DGKB: variants seen among roughly 807,000 people sequenced by gnomAD.
DGKB encodes the protein 90 kDa diacylglycerol kinase.
In DGKB, 67 loss-of-function variants were observed where a neutral mutation model predicts 114.3. The ratio of observed to expected loss-of-function variants is 0.59; its 90% confidence interval spans 0.48 to 0.72. The LOEUF is 0.72. Ranked by LOEUF, DGKB falls within the 30% of genes least tolerant of loss-of-function variation. DGKB has a pLI of 0.00. For missense variants in DGKB, 907 were observed against 975.2 expected, an observed-to-expected ratio of 0.93 and a Z score of 0.93; for synonymous variants, 398 against 323.1, an observed-to-expected ratio of 1.23 and a Z score of -2.49.
At chr7:14,491,112 T>C (rs559851125) in intron 20 of DGKB, among the ~76,000 whole-genome samples, 2 of 152,214 alleles carry the variant, frequency 1.3e-5, no homozygotes, top group Non-Finnish European at 2.9e-5. Context: ...GCTACTTCCA[T>C]ATTGATATGG....
At chr7:14,435,252 A>T (rs1322768485) in intron 21 of DGKB, among the ~76,000 whole-genome samples, 1 of 152,150 alleles carries the variant, frequency 6.6e-6, no homozygotes, top group Non-Finnish European at 1.5e-5. Flanking sequence ...GACTATAATC[A>T]CAACTAAACA....
At chr7:14,681,378 G>C (rs187780575) in intron 12 of DGKB, among the ~76,000 whole-genome samples, 1 of 151,822 alleles carries the variant, frequency 6.6e-6, no homozygotes, top group Non-Finnish European at 1.5e-5. Flanking sequence ...TTGTATTTTT[G>C]AAAAGTAAGT....
In DGKB at chr7:14,651,271, C is replaced by G. The variant is rs1037902230; in HGVS notation, c.1135-21003G>C. 9.2e-5 allele frequency among the ~76,000 whole-genome samples: 14 copies of G among 152,220 alleles called. 1 individual carries two copies. The highest frequency in any genetic ancestry group is 8.5e-4 in the Admixed American group (13 of 15,280). On this transcript the variant is annotated intron_variant, in intron 13 of 25. Coordinates refer to ENST00000402815, the MANE Select transcript of DGKB (RefSeq NM_001350709.2). ...TCAATAAAATACTGGCAAACCGAAT[C>G]CAGCAGCACATCAAAAAGCTTATCC...
intron 5 of DGKB, among the ~76,000 whole-genome samples, chr7:14,723,792 T>C (rs1829617663): frequency 6.6e-6 from 1 of 152,176 alleles, no homozygotes; most frequent in African/African-American, 2.4e-5. Context: ...GCTTTAGTTA[T>C]AAAAAGTAGT....
chr7:14,653,913 C>T (rs1268569494), intron 13 of DGKB, among the ~76,000 whole-genome samples: 2 of 151,960 alleles, frequency 1.3e-5, no homozygotes, highest in Non-Finnish European at 2.9e-5. Flanking sequence ...TTATGACAAA[C>T]CCACAACTAA....
intron 14 of DGKB, among the ~76,000 whole-genome samples, chr7:14,623,418 A>G (rs758604315): frequency 6.6e-6 from 1 of 152,186 alleles, no homozygotes; most frequent in African/African-American, 2.4e-5. Flanking sequence ...GGGTATTTAG[A>G]GTGATCATTG....
At chr7:14,784,448 G>A (rs2128493823) in intron 2 of DGKB, among the ~76,000 whole-genome samples, 1 of 148,732 alleles carries the variant, frequency 6.7e-6, no homozygotes, top group South Asian at 2.1e-4. Flanking sequence ...GCTCAATGCA[G>A]CCTCTGCCTC....
At chr7:14,847,134 C>T (rs187113118) in intron 1 of DGKB, among the ~76,000 whole-genome samples, 86 of 151,878 alleles carry the variant, frequency 5.7e-4, no homozygotes, top group Non-Finnish European at 9.3e-4. Context: ...ACTAAAAATA[C>T]AAAAAAATTA....
chr7:14,946,120 T>A (rs955135830), intron 1 of DGKB, among the ~76,000 whole-genome samples: 8 of 134,824 alleles, frequency 5.9e-5, no homozygotes, highest in Admixed American at 2.1e-4. Flanking sequence ...CATTTTGATT[T>A]GTTGAGAATA....
chr7:14,360,739 A>G (rs1815566537), intron 21 of DGKB, among the ~76,000 whole-genome samples: 1 of 152,064 alleles, frequency 6.6e-6, no homozygotes. Flanking sequence ...TATGAATGAC[A>G]CCCCAAATCA....
intron 5 of DGKB, among the ~76,000 whole-genome samples, chr7:14,725,411 A>G (rs2128370436): frequency 6.6e-6 from 1 of 152,214 alleles, no homozygotes; most frequent in East Asian, 1.9e-4. Context: ...GACAAAAATA[A>G]TTAAACCACC....
At chr7:14,717,223 T>C (rs529482833) in intron 6 of DGKB, among the ~76,000 whole-genome samples, 2 of 152,198 alleles carry the variant, frequency 1.3e-5, no homozygotes, top group African/African-American at 4.8e-5. Context: ...GACCTAGAAA[T>C]AGTTAAACAG....
intron 20 of DGKB, among the ~76,000 whole-genome samples, chr7:14,497,369 G>A (rs1785462222): frequency 6.6e-6 from 1 of 151,646 alleles, no homozygotes; most frequent in Non-Finnish European, 1.5e-5. Context: ...CATAAGAAAT[G>A]TTTTAAAAAA....
chr7:14,169,360 GTC>G, intron 25 of DGKB, among the ~76,000 whole-genome samples: 1 of 101,404 alleles, frequency 9.9e-6, no homozygotes, highest in Non-Finnish European at 2.2e-5. Flanking sequence ...GCGAGACTCC[GTC>G]TCAAAAAAAA....
At chr7:14,393,007 T>TTTTTTTTTTTTTTTTTTTTTTTTTTTG in intron 21 of DGKB, among the ~76,000 whole-genome samples, 1 of 114,748 alleles carries the variant, frequency 8.7e-6, no homozygotes. Flanking sequence ...TTTTTTTTTT[T>TTTTTTTTTTTTTTTTTTTTTTTTTTTG]TGAGACGGAG....
At chr7:14,170,361 G>A (rs1780813316) in intron 25 of DGKB, among the ~76,000 whole-genome samples, 1 of 151,966 alleles carries the variant, frequency 6.6e-6, no homozygotes, top group Admixed American at 6.6e-5. Context: ...ATAATATGGG[G>A]ATTATAATAA....
chr7:14,518,719 C>T (rs895268853), intron 20 of DGKB, among the ~76,000 whole-genome samples: 1 of 151,636 alleles, frequency 6.6e-6, no homozygotes, highest in Non-Finnish European at 1.5e-5. Flanking sequence ...ACCTCCATCA[C>T]CCAGGGCATT....
At chr7:14,796,230 G>A (rs568824601) in intron 2 of DGKB, among the ~76,000 whole-genome samples, 13 of 152,114 alleles carry the variant, frequency 8.5e-5, no homozygotes, top group Non-Finnish European at 1.8e-4. Context: ...CACAGTAGAG[G>A]ACCATACACA....
intron 21 of DGKB, among the ~76,000 whole-genome samples, chr7:14,388,271 A>G (rs958553091): frequency 1.5e-4 from 23 of 151,084 alleles, no homozygotes; most frequent in Admixed American, 1.5e-3. Context: ...GAAGCCAAAA[A>G]AAAAAAGTGG....
Sources: allele counts gnomAD v4.1 joint callset (sites outside exome capture counted in the v4.1 genomes callset), GRCh38; gene constraint gnomAD v4.1.1; transcripts MANE v1.5; gene names NCBI Gene and HGNC (gene_info 2026-07-23, HGNC 2026-07-21).